The following OIT3 variants were observed in gnomAD, a reference collection of about 807,000 sequenced individuals.
OIT3 encodes the protein oncoprotein-induced transcript 3 protein.
Under a neutral mutation model 52.2 loss-of-function variants are expected in OIT3, and 41 were observed. The observed-to-expected ratio is 0.79, with a 90% CI of 0.61 to 1.02. The LOEUF (loss-of-function observed/expected upper bound fraction) is 1.02, where lower values mean the gene tolerates loss of function less well. OIT3 is among the 50% of genes least tolerant of loss of function. The probability of loss-of-function intolerance (pLI) is 0.00; values close to 1 mark genes in which losing one functional copy is unlikely to be tolerated. For synonymous variants in OIT3, 244 were observed against 276.9 expected (o/e 0.88, Z 1.18); for missense variants, 634 against 715.5 (o/e 0.89, Z 1.30).
At chr10:72,908,325 A>C (rs1446062705) in intron 4 of OIT3, among the ~76,000 whole-genome samples, 1 of 152,178 alleles carries the variant, frequency 6.6e-6, no homozygotes, top group Admixed American at 6.5e-5. Flanking sequence ...TAAATGGTGT[A>C]ATTGTTATTA....
chr10:72,900,247 A>AGG (rs1487015639), intron 2 of OIT3, 130 bp from the exon 3 acceptor site: 2 of 607,432 alleles, frequency 3.3e-6, no homozygotes, highest in Non-Finnish European at 5.9e-6. Flanking sequence ...GCTTGAGCCC[A>AGG]GGGGTTCGAG....
At chr10:72,922,562 T>G (rs1427868940) in intron 6 of OIT3, among the ~76,000 whole-genome samples, 1 of 152,196 alleles carries the variant, frequency 6.6e-6, no homozygotes, top group Non-Finnish European at 1.5e-5. Context: ...ATCTTGGCTA[T>G]TTTCTTTGTC....
At chr10:72,921,986 T>C (rs552586931) in intron 6 of OIT3, among the ~76,000 whole-genome samples, 1 of 152,254 alleles carries the variant, frequency 6.6e-6, no homozygotes, top group Admixed American at 6.5e-5. Context: ...AAAATTCTTT[T>C]CTTTAGGAAT....
chr10:72,905,777 C>T (rs771598435), intron 3 of OIT3, among the ~76,000 whole-genome samples: 10 of 152,164 alleles, frequency 6.6e-5, no homozygotes, highest in Admixed American at 5.9e-4. Context: ...GGCCACTGGG[C>T]AAAGTTCTCC....
At position 72,906,698 on chromosome 10, in the gene OIT3, G is replaced by A. The variant is rs1229217555; in HGVS notation, c.647G>A (p.Ser216Asn). 3.1e-6 allele frequency: 5 copies of A among 1,598,394 alleles called. No individual in the cohort carries two copies. The African/African-American group carries it at 6.7e-5, about 21-fold the overall frequency. Residue 216 changes from serine to asparagine, a missense_variant, in exon 4 of 9, where the codon AGT becomes AAT. Coordinates refer to ENST00000334011, the MANE Select transcript of OIT3 (RefSeq NM_152635.3). ...CECGVGRVLR[S>N]DGKTCEDVEG... ...TGTGGGGTTGGCCGTGTGCTAAGAA[G>A]TGATGGCAAGACTTGTGAAGGTGAG...
intron 1 of OIT3, among the ~76,000 whole-genome samples, chr10:72,897,574 G>C (rs1322425389): frequency 6.6e-6 from 1 of 152,198 alleles, no homozygotes; most frequent in African/African-American, 2.4e-5. Context: ...GTATTTCAAA[G>C]TAGGTGACAT....
rs1332665089 is a variant in OIT3, at chr10:72,932,359, G to A, written c.1473G>A (p.Val491=). The part of the protein sequence containing the change: ...FKFVGKDHKE[V]FLHCRVLVCG... ...AGTCGTGATCATCTCTTCAGGAAGT[G>A]TTTCTGCACTGCCGGGTTCTTGTCT... Residue 491 remains valine (V), a synonymous_variant, in exon 9 of 9, where the codon GTG becomes GTA. Transcript: ENST00000334011. 6.2e-7 allele frequency: 1 copy of A among 1,614,198 alleles called. No individual in the cohort carries two copies. Among genetic ancestry groups the A allele is most frequent in the Admixed American group, 1.7e-5 (1 of 60,024 alleles).
At chr10:72,917,088 A>T (rs1002331148) in intron 6 of OIT3, among the ~76,000 whole-genome samples, 2 of 151,696 alleles carry the variant, frequency 1.3e-5, no homozygotes, top group African/African-American at 4.8e-5. Context: ...AGAGAAAAAA[A>T]TTTTTCTCCC....
At chr10:72,917,868 G>A in intron 6 of OIT3, 2 of 1,296,586 alleles carry the variant, frequency 1.5e-6, no homozygotes, top group South Asian at 1.2e-5. Context: ...TCTTGGTGTT[G>A]ATGATGGTTT....
At chr10:72,913,764 C>T (rs1479513158) in intron 6 of OIT3, 1 of 486,948 alleles carries the variant, frequency 2.1e-6, no homozygotes, top group Non-Finnish European at 3.9e-6. Context: ...TGGCTACATC[C>T]TCTCTGACCA....
At chr10:72,906,797 C>T (rs1711926983) in intron 4 of OIT3, 79 bp downstream of exon 4, 1 of 1,384,280 alleles carries the variant, frequency 7.2e-7, no homozygotes, top group Non-Finnish European at 9.7e-7. Flanking sequence ...CAGGAAACTG[C>T]CTTAGTGTCC....
At chr10:72,931,515 C>T (rs920825354) in intron 8 of OIT3, among the ~76,000 whole-genome samples, 1 of 151,840 alleles carries the variant, frequency 6.6e-6, no homozygotes, top group Non-Finnish European at 1.5e-5. Context: ...ATTTTTAAGC[C>T]AAAACAGACA....
intron 7 of OIT3, among the ~76,000 whole-genome samples, chr10:72,925,987 C>T (rs957162282): frequency 2.0e-5 from 3 of 152,244 alleles, no homozygotes; most frequent in African/African-American, 7.2e-5. Context: ...TCCTGAGGTA[C>T]TGATGGAGAC....
At chr10:72,922,633 T>C (rs928627823) in intron 6 of OIT3, among the ~76,000 whole-genome samples, 9 of 152,202 alleles carry the variant, frequency 5.9e-5, no homozygotes, top group African/African-American at 2.2e-4. Context: ...AACATGCTCC[T>C]TTAGCTCAGC....
intron 6 of OIT3, chr10:72,913,784 T>C (rs1015649977): frequency 2.3e-6 from 1 of 434,756 alleles, no homozygotes; most frequent in African/African-American, 2.0e-5. Context: ...AATTATTTTA[T>C]TTGAAGAAAG....
At position 72,918,543 on chromosome 10, in the gene OIT3, G is replaced by A. The variant is rs1052596679; in HGVS notation, c.951+5075G>A. ...TCCATCGAATCTTCCATCGGGTGGC[G>A]GCACACACTTAGGTGGGAGAGAAGG... On this transcript the variant is annotated intron_variant, in intron 6 of 8. Coordinates refer to ENST00000334011, the MANE Select transcript of OIT3 (RefSeq NM_152635.3). 31 of 1,331,980 alleles carry A rather than the reference G, an allele frequency of 2.3e-5. No individual in the cohort carries two copies. In the East Asian group the frequency reaches 2.8e-4, roughly 12 times the overall value. 82.5% of individuals were successfully genotyped at this position (1,331,980 alleles called of 1,614,324 possible).
intron 4 of OIT3, among the ~76,000 whole-genome samples, chr10:72,907,163 C>T (rs945641584): frequency 6.6e-6 from 1 of 152,028 alleles, no homozygotes; most frequent in African/African-American, 2.4e-5. Flanking sequence ...GTCCCAGCCA[C>T]TCAGAAGGCT....
At chr10:72,895,601 C>A (rs1169636418) in intron 1 of OIT3, among the ~76,000 whole-genome samples, 1 of 152,156 alleles carries the variant, frequency 6.6e-6, no homozygotes, top group East Asian at 1.9e-4. Flanking sequence ...CACTTCCCGA[C>A]CAAGCTCAGG....
At chr10:72,894,482 T>C (rs892524889) in intron 1 of OIT3, among the ~76,000 whole-genome samples, 1 of 152,180 alleles carries the variant, frequency 6.6e-6, no homozygotes, top group Non-Finnish European at 1.5e-5. Context: ...GGGGGTGAGA[T>C]GGAGAGAACC....
Sources: gnomAD v4.1 joint callset for allele counts (sites outside exome capture counted in the v4.1 genomes callset) on GRCh38, gnomAD v4.1.1 for gene constraint, MANE v1.5 for transcripts, NCBI Gene and HGNC (gene_info 2026-07-23, HGNC 2026-07-21) for gene names.